Variants in LRRC37A2 observed in about 807,000 individuals in gnomAD.
The protein encoded by LRRC37A2 is leucine rich repeat containing 37 member A2, also known as leucine-rich repeat-containing protein 37A2.
Under a neutral mutation model 68.8 loss-of-function variants are expected in LRRC37A2, and 9 were observed. The ratio of observed to expected loss-of-function variants is 0.13; its 90% CI spans 0.08 to 0.23. The LOEUF (loss-of-function observed/expected upper bound fraction) is 0.23. Ranked by LOEUF, LRRC37A2 falls within the 10% of genes least tolerant of loss-of-function variation. The pLI, the probability that LRRC37A2 is intolerant of heterozygous loss-of-function variation, is 1.00. For synonymous variants in LRRC37A2, 63 were observed against 367.6 expected (o/e 0.17, Z 9.48); for missense variants, 168 against 950.4 (o/e 0.18, Z 10.82).
chr17:46,787,124 G>A, the LRRC37A2 span, among the ~76,000 whole-genome samples: 1 of 152,054 alleles, frequency 6.6e-6, no homozygotes, highest in African/African-American at 2.4e-5. Flanking sequence ...ATTTTTTGTA[G>A]AGATGAAGTC....
intron 6 of LRRC37A2, among the ~76,000 whole-genome samples, chr17:46,525,602 T>TATAATA (rs61094611): frequency 0.011 from 1,123 of 101,874 alleles, 54 homozygotes; most frequent in African/African-American, 0.028. Context: ...ATAATAATAA[T>TATAATA]ATAATAATAA....
chr17:46,495,677 G>A, the LRRC37A2 span, among the ~76,000 whole-genome samples: 4 of 150,496 alleles, frequency 2.7e-5, no homozygotes, highest in South Asian at 2.1e-4. Flanking sequence ...GAGCCACTGC[G>A]CCCAGCCCCT....
At chr17:46,941,363 A>G in the LRRC37A2 span, 12 of 983,674 alleles carry the variant, frequency 1.2e-5, no homozygotes, top group African/African-American at 1.9e-4. Flanking sequence ...TTATTTAGAA[A>G]ATCACATTTT....
the LRRC37A2 span, among the ~76,000 whole-genome samples, chr17:46,864,951 G>T: frequency 7.7e-4 from 118 of 152,278 alleles, no homozygotes; most frequent in African/African-American, 2.6e-3. Flanking sequence ...CAGCTCTAAC[G>T]TATAATGGTT....
chr17:46,935,139 T>C, the LRRC37A2 span: 33 of 1,614,028 alleles, frequency 2.0e-5, no homozygotes, highest in East Asian at 6.2e-4. Flanking sequence ...ATATTTTAGA[T>C]GGACTGAGGA....
the LRRC37A2 span, among the ~76,000 whole-genome samples, chr17:46,739,313 G>A: frequency 5.4e-5 from 8 of 149,104 alleles, no homozygotes; most frequent in Admixed American, 2.0e-4. Flanking sequence ...GGAGGTTGCA[G>A]CGAGCCGAGA....
the LRRC37A2 span, among the ~76,000 whole-genome samples, chr17:46,970,182 C>T: frequency 6.6e-6 from 1 of 152,200 alleles, no homozygotes; most frequent in Non-Finnish European, 1.5e-5. Context: ...CCTGCCTCAT[C>T]TCCCCCATCA....
chr17:46,760,166 A>C, the LRRC37A2 span, among the ~76,000 whole-genome samples: 7 of 152,302 alleles, frequency 4.6e-5, no homozygotes, highest in Admixed American at 4.6e-4. Flanking sequence ...TGGGAGGCTG[A>C]GGAGGATCAT....
chr17:46,533,612 G>T, intron 6 of LRRC37A2, among the ~76,000 whole-genome samples: 1 of 92,722 alleles, frequency 1.1e-5, no homozygotes, highest in Non-Finnish European at 1.9e-5. Context: ...AGCGATTCTA[G>T]TGCCTCAGCC....
the LRRC37A2 span, chr17:46,936,924 C>A: frequency 3.8e-6 from 2 of 523,104 alleles, no homozygotes; most frequent in Non-Finnish European, 4.9e-6. Context: ...GTTGATCTCA[C>A]TTTCCTTGTT....
the LRRC37A2 span, among the ~76,000 whole-genome samples, chr17:46,836,095 C>T: frequency 4.7e-5 from 6 of 126,434 alleles, no homozygotes; most frequent in Admixed American, 8.1e-5. Context: ...GAGACGCTGA[C>T]GTGTGTGTGT....
chr17:46,793,274 A>G, the LRRC37A2 span, among the ~76,000 whole-genome samples: 3 of 36,188 alleles, frequency 8.3e-5, no homozygotes, highest in Admixed American at 9.9e-4. Context: ...ACCCTGTCTA[A>G]AAAAAAAAAA....
At chr17:46,966,675 G>A in the LRRC37A2 span, 1 of 548,142 alleles carries the variant, frequency 1.8e-6, no homozygotes, top group Non-Finnish European at 3.3e-6. Flanking sequence ...CTCAGGCTTG[G>A]ATTTGAACTC....
the LRRC37A2 span, among the ~76,000 whole-genome samples, chr17:46,925,736 AC>A: frequency 6.6e-5 from 10 of 152,136 alleles, no homozygotes; most frequent in Admixed American, 5.9e-4. Context: ...GGAACTTTGA[AC>A]CCAGTTTGTG....
chr17:46,822,868 G>A, the LRRC37A2 span, among the ~76,000 whole-genome samples: 2 of 151,976 alleles, frequency 1.3e-5, no homozygotes, highest in African/African-American at 4.8e-5. Context: ...GCGGCAGGCG[G>A]ATGTCACCAG....
chr17:46,926,158 AC>A, the LRRC37A2 span, among the ~76,000 whole-genome samples: 2 of 152,172 alleles, frequency 1.3e-5, no homozygotes. Context: ...AAGAACTATT[AC>A]CTTATCTCAA....
the LRRC37A2 span, chr17:46,933,611 C>T: frequency 2.2e-5 from 3 of 133,974 alleles, no homozygotes; most frequent in East Asian, 2.1e-4. Flanking sequence ...ATCTGAGCAG[C>T]AAAGAAACAG....
chr17:46,457,930 AACACACAC>A, the LRRC37A2 span, among the ~76,000 whole-genome samples: 50 of 41,044 alleles, frequency 1.2e-3, no homozygotes, highest in Non-Finnish European at 3.2e-3. Flanking sequence ...TCATAAGGAA[AACACACAC>A]ACACACACAC....
At chr17:46,919,745 G>C in the LRRC37A2 span, among the ~76,000 whole-genome samples, 2 of 152,102 alleles carry the variant, frequency 1.3e-5, no homozygotes, top group Non-Finnish European at 2.9e-5. Flanking sequence ...TCGGGAGTTC[G>C]AGACCAGCCT....
Sources: allele counts gnomAD v4.1 joint callset (sites outside exome capture counted in the v4.1 genomes callset), GRCh38; gene constraint gnomAD v4.1.1; transcripts MANE v1.5; gene names NCBI Gene and HGNC (gene_info 2026-07-23, HGNC 2026-07-21).